The following RALGAPA2 variants were observed in gnomAD, a reference collection of about 807,000 sequenced individuals.
The protein encoded by RALGAPA2 is ral GTPase-activating protein subunit alpha-2.
RALGAPA2 carries 139 observed loss-of-function variants against 230.4 expected under a neutral mutation model. The ratio of observed to expected loss-of-function variants is 0.60; its 90% CI spans 0.53 to 0.69. The LOEUF is 0.69. Ranked by LOEUF, RALGAPA2 falls within the 30% of genes least tolerant of loss-of-function variation. The pLI is 0.00. For missense variants in RALGAPA2, 2,163 were observed against 2,276.0 expected (o/e 0.95, Z 1.01); for synonymous variants, 847 against 837.8 (o/e 1.01, Z -0.19).
At chr20:20,644,893 T>C (rs1441422831) in intron 4 of RALGAPA2, among the ~76,000 whole-genome samples, 2 of 152,194 alleles carry the variant, frequency 1.3e-5, no homozygotes, top group Non-Finnish European at 2.9e-5. Context: ...TTACACCTTA[T>C]GGTGGCTGGC....
intron 20 of RALGAPA2, among the ~76,000 whole-genome samples, chr20:20,575,991 T>C (rs1005758320): frequency 6.6e-6 from 1 of 151,890 alleles, no homozygotes; most frequent in Non-Finnish European, 1.5e-5. Flanking sequence ...TTTATGTCTT[T>C]GTTACTCATT....
intron 37 of RALGAPA2, chr20:20,471,082 T>G (rs1412927141): frequency 6.6e-6 from 1 of 152,222 alleles, no homozygotes; most frequent in Non-Finnish European, 1.5e-5. Flanking sequence ...GTTTGAGATG[T>G]CAAGTTAGCT....
At chr20:20,500,393 T>C (rs1031011113) in intron 35 of RALGAPA2, among the ~76,000 whole-genome samples, 4 of 152,342 alleles carry the variant, frequency 2.6e-5, no homozygotes, top group Middle Eastern at 3.4e-3. Context: ...AATCTTTTGT[T>C]GTAATTTCAA....
At chr20:20,640,055 C>A (rs967649285) in intron 6 of RALGAPA2, among the ~76,000 whole-genome samples, 155 bp from the exon 7 acceptor site, 10 of 152,190 alleles carry the variant, frequency 6.6e-5, no homozygotes, top group African/African-American at 2.4e-4. Context: ...GCATAAAGGG[C>A]CTGGAAACAC....
chr20:20,680,866 A>G, intron 1 of RALGAPA2, 65 bp from the exon 2 acceptor site: 2 of 1,504,898 alleles, frequency 1.3e-6, no homozygotes, highest in Non-Finnish European at 1.8e-6. Context: ...TTAGAAACAA[A>G]CTTCTCAGAA....
chr20:20,476,350 C>G (rs1179992429), intron 36 of RALGAPA2, among the ~76,000 whole-genome samples: 1 of 151,828 alleles, frequency 6.6e-6, no homozygotes, highest in Non-Finnish European at 1.5e-5. Flanking sequence ...TATAGTGGTA[C>G]CAGGATAAAC....
chr20:20,652,311 A>C (rs567805563), intron 4 of RALGAPA2, among the ~76,000 whole-genome samples: 22 of 152,192 alleles, frequency 1.4e-4, no homozygotes, highest in Admixed American at 4.6e-4. Context: ...GCACCTGTTC[A>C]TCTTTCAAGG....
chr20:20,454,263 C>CAGGAGAGA (rs1332830735), intron 37 of RALGAPA2, among the ~76,000 whole-genome samples: 2 of 152,278 alleles, frequency 1.3e-5, no homozygotes, highest in African/African-American at 4.8e-5. Context: ...GATTACATCC[C>CAGGAGAGA]AGGAGAGACC....
chr20:20,595,588 TAA>T (rs2065427698), intron 16 of RALGAPA2, among the ~76,000 whole-genome samples: 1 of 152,176 alleles, frequency 6.6e-6, no homozygotes, highest in African/African-American at 2.4e-5. Flanking sequence ...ACAATATTCC[TAA>T]AAGAAAAATA....
At chr20:20,635,960 A>G (rs1041660408) in intron 8 of RALGAPA2, among the ~76,000 whole-genome samples, 1 of 152,204 alleles carries the variant, frequency 6.6e-6, no homozygotes, top group Non-Finnish European at 1.5e-5. Context: ...ATTTAATTTT[A>G]TTTTATAGCT....
intron 37 of RALGAPA2, among the ~76,000 whole-genome samples, chr20:20,438,817 A>G (rs1040820173): frequency 2.6e-5 from 4 of 152,232 alleles, no homozygotes; most frequent in African/African-American, 9.6e-5. Context: ...AAATTCATAT[A>G]TATTTACTTC....
At chr20:20,436,649 G>C (rs149825724) in intron 37 of RALGAPA2, among the ~76,000 whole-genome samples, 219 of 152,336 alleles carry the variant, frequency 1.4e-3, no homozygotes, top group African/African-American at 5.1e-3. Context: ...GATGGCTCAC[G>C]AAGGCTTCAA....
At chr20:20,565,568 C>T (rs943684440) in intron 23 of RALGAPA2, among the ~76,000 whole-genome samples, 8 of 152,022 alleles carry the variant, frequency 5.3e-5, no homozygotes, top group Non-Finnish European at 7.4e-5. Context: ...TTGTAACACC[C>T]GTTAAGAAAA....
Position 20,503,536 on chromosome 20 carries a change from AG to A in RALGAPA2, c.5053-31del, listed in dbSNP as rs564874781. The A allele has an allele frequency of 1.3e-4, 187 of 1,482,624 alleles. No individual in the cohort carries two copies. The African/African-American group carries it at 2.6e-3, about 20-fold the overall frequency. 91.8% of individuals were successfully genotyped at this position (1,482,624 alleles called of 1,614,324 possible). A position where few individuals can be genotyped will look rare whatever the true frequency, so the allele number is the denominator to read the frequency against. On this transcript the variant is annotated intron_variant, in intron 34 of 39. Transcript: ENST00000202677. ...CAAAGGTCACAAAGAAGAAAGAGTG[AG>A]GATCAAAAATGAGCTGCTCTTTCAC... is the stretch of plus-strand genomic sequence containing the variant.
At chr20:20,614,088 GAGA>G (rs749994345) in intron 13 of RALGAPA2, among the ~76,000 whole-genome samples, 1 of 152,180 alleles carries the variant, frequency 6.6e-6, no homozygotes. Flanking sequence ...GGAGAGAGGG[GAGA>G]AGAAGGAGTG....
intron 39 of RALGAPA2, among the ~76,000 whole-genome samples, chr20:20,394,027 C>T (rs2059653767): frequency 6.6e-6 from 1 of 152,220 alleles, no homozygotes; most frequent in Non-Finnish European, 1.5e-5. Flanking sequence ...AAGTTTCCTG[C>T]ATGACCTCTG....
chr20:20,529,623 G>A (rs866746204), intron 27 of RALGAPA2, among the ~76,000 whole-genome samples: 3 of 152,230 alleles, frequency 2.0e-5, no homozygotes, highest in South Asian at 2.1e-4. Flanking sequence ...ACTTACCATT[G>A]TGTTCCAATT....
chr20:20,417,935 T>C (rs1168038001), intron 37 of RALGAPA2, among the ~76,000 whole-genome samples: 1 of 152,214 alleles, frequency 6.6e-6, no homozygotes, highest in Admixed American at 6.5e-5. Flanking sequence ...TAAAAACTTT[T>C]AGAGGAATGT....
intron 37 of RALGAPA2, among the ~76,000 whole-genome samples, chr20:20,468,094 C>T (rs983727918): frequency 3.3e-5 from 5 of 152,038 alleles, no homozygotes; most frequent in South Asian, 4.1e-4. Flanking sequence ...CAACGTCCAA[C>T]GTCAAAAATC....
Sources: allele counts gnomAD v4.1 joint callset (sites outside exome capture counted in the v4.1 genomes callset), GRCh38; gene constraint gnomAD v4.1.1; transcripts MANE v1.5; gene names NCBI Gene and HGNC (gene_info 2026-07-23, HGNC 2026-07-21).